Variants in FBXW10 observed in about 807,000 individuals in gnomAD.
FBXW10 encodes F-box/WD repeat-containing protein 10.
In FBXW10, 68 loss-of-function variants were observed where a neutral mutation model predicts 113.1. The observed-to-expected ratio is 0.60, with a 90% CI of 0.49 to 0.74. The LOEUF (loss-of-function observed/expected upper bound fraction) is 0.74. Among genes scored for constraint, FBXW10 ranks in the 30% least tolerant of loss-of-function variants. FBXW10 has a pLI of 0.00. For missense variants in FBXW10, 753 were observed against 1,284.5 expected (o/e 0.59, Z 6.32); for synonymous variants, 289 against 481.6 (o/e 0.60, Z 5.24).
chr17:18,747,780 A>G (rs954461629), intron 1 of FBXW10, among the ~76,000 whole-genome samples, 161 bp from the exon 2 acceptor site: 4 of 151,950 alleles, frequency 2.6e-5, no homozygotes, highest in South Asian at 2.1e-4. Flanking sequence ...AGATTTTTGC[A>G]TAGAAGTTTG....
At chr17:18,760,882 GAT>G (rs1290982006) in intron 7 of FBXW10, among the ~76,000 whole-genome samples, 1 of 151,504 alleles carries the variant, frequency 6.6e-6, no homozygotes, top group Admixed American at 6.6e-5. Flanking sequence ...AGGTCATAGA[GAT>G]ATTTTCTAAT....
chr17:18,750,247 A>C, intron 4 of FBXW10, 110 bp downstream of exon 4: 1 of 984,764 alleles, frequency 1.0e-6, no homozygotes, highest in Non-Finnish European at 1.5e-6. Flanking sequence ...CTCCTCCTCT[A>C]CATTTGTGGC....
At chr17:18,777,186 T>A (rs1282976800) in intron 13 of FBXW10, among the ~76,000 whole-genome samples, 1 of 149,746 alleles carries the variant, frequency 6.7e-6, no homozygotes, top group Non-Finnish European at 1.5e-5. Flanking sequence ...CTCAGCCTCC[T>A]CAGTAGCTAG....
At chr17:18,771,002 T>C (rs1307692024) in intron 11 of FBXW10, among the ~76,000 whole-genome samples, 4 of 152,000 alleles carry the variant, frequency 2.6e-5, no homozygotes, top group African/African-American at 9.7e-5. Context: ...CCCTAAACCA[T>C]ATTGCCTTCC....
chr17:18,773,603 C>A lies in FBXW10; in HGVS notation c.2278+920C>A, dbSNP rs142899455. Among the ~76,000 whole-genome samples the A allele has an allele frequency of 4.5e-3, 691 of 152,256 alleles. 5 individuals carry two copies. The highest frequency in any genetic ancestry group is 0.016 in the African/African-American group (666 of 41,534). On this transcript the variant is annotated intron_variant, in intron 12 of 13. Transcript: ENST00000395665. The stretch of plus-strand genomic sequence containing the variant: ...AGAGTAGCAAGACTCCTTCCTTTTA[C>A]CAGCCCTATATTTGGCATGTGAAAT...
chr17:18,768,855 TCTGA>T (rs1177358838), intron 10 of FBXW10, among the ~76,000 whole-genome samples, 179 bp downstream of exon 10: 3 of 152,040 alleles, frequency 2.0e-5, no homozygotes, highest in Admixed American at 2.0e-4. Flanking sequence ...ATCTTCTCTG[TCTGA>T]CTGTTAACCT....
chr17:18,764,567 T>C (rs1019006617), intron 7 of FBXW10, among the ~76,000 whole-genome samples, 175 bp from the exon 8 acceptor site: 3 of 152,166 alleles, frequency 2.0e-5, no homozygotes, highest in African/African-American at 7.2e-5. Context: ...ATTAACTTCC[T>C]CAAAGTTACA....
rs1394615046 is a variant in FBXW10, at chr17:18,747,933, T to G, written c.506-8T>G. 6.2e-7 allele frequency: 1 copy of G among 1,613,876 alleles called. No individual in the cohort carries two copies. Among genetic ancestry groups the G allele is most frequent in the Admixed American group, 1.7e-5 (1 of 60,008 alleles). On this transcript the variant is annotated splice_region_variant and splice_polypyrimidine_tract_variant and intron_variant, in intron 1 of 13. Transcript: ENST00000395665. ...AGAGCAACCTTGTCTTGGTCTTCTG[T>G]GTTTCAGGGCTCAATCAAGACATCA...
In FBXW10 at chr17:18,772,494, C is replaced by T; in HGVS notation, c.2089C>T (p.Gln697Ter). The part of the protein sequence containing the change: ...KWQYAVEKTK[Q>*]KKNKEKEEEK... ...GCAGTATGCCGTGGAAAAAACGAAA[C>T]AAAAGAAGAATAAGGAGAAAGAGGA... The change falls in exon 12 of 14, where the codon CAA becomes TAA. Residue 697 changes from glutamine (Q) to a stop codon, truncating the protein, a stop_gained. Transcript: ENST00000395665. LOFTEE classifies it high-confidence loss of function. The T allele has an allele frequency of 6.2e-7, 1 of 1,613,734 alleles. No homozygotes were observed.
At chr17:18,776,182 A>G (rs927584943) in intron 13 of FBXW10, among the ~76,000 whole-genome samples, 7 of 152,160 alleles carry the variant, frequency 4.6e-5, no homozygotes, top group Admixed American at 1.3e-4. Context: ...TTAGCTGGGC[A>G]GGGTGGCATG....
chr17:18,744,082 A>C lies in FBXW10; in HGVS notation c.-163A>C. 1 of 1,065,346 alleles carries C rather than the reference A, an allele frequency of 9.4e-7. No homozygotes were observed. The highest frequency in any genetic ancestry group is 2.8e-5 in the Admixed American group (1 of 36,262). 66.0% of individuals were successfully genotyped at this position (1,065,346 alleles called of 1,614,324 possible). On this transcript the variant is annotated 5_prime_UTR_variant, in exon 1 of 14. Transcript: ENST00000395665. ...CTTCTGCTGGCAGTTACTGAGAGAGATAGGCTTTCCATCCATGGCAGCCAT... is the reference window on the plus strand; with the variant it reads ...CTTCTGCTGGCAGTTACTGAGAGAGCTAGGCTTTCCATCCATGGCAGCCAT...
intron 12 of FBXW10, 120 bp from the exon 13 acceptor site, chr17:18,775,016 G>C (rs1341540863): frequency 1.5e-6 from 1 of 648,376 alleles, no homozygotes; most frequent in African/African-American, 1.8e-5. Flanking sequence ...TAAAAAACAA[G>C]ATAGTGATAT....
intron 7 of FBXW10, among the ~76,000 whole-genome samples, chr17:18,764,290 C>T (rs1184130993): frequency 6.6e-6 from 1 of 151,384 alleles, no homozygotes; most frequent in Non-Finnish European, 1.5e-5. Flanking sequence ...CAACCTCTGC[C>T]TGCCGGATTC....
At position 18,778,635 on chromosome 17, in the gene FBXW10, C is replaced by G; in HGVS notation, c.2496C>G (p.Ala832=). ...LQHAHNSGEF[A]YPCRPQTEIT... ...ACGCCCATAATTCCGGGGAATTTGC[C>G]TATCCCTGTAGGCCCCAAACAGAAA... is the stretch of plus-strand genomic sequence containing the variant. The change falls in exon 14 of 14, where the codon GCC becomes GCG. Residue 832 remains alanine, a synonymous_variant. Coordinates refer to ENST00000395665, the MANE Select transcript of FBXW10 (RefSeq NM_001267585.2). 1.2e-6 allele frequency: 2 copies of G among 1,613,894 alleles called. No individual in the cohort carries two copies. The highest frequency in any genetic ancestry group is 1.7e-6 in the Non-Finnish European group (2 of 1,179,864).
At chr17:18,757,620 C>T (rs1282709341) in intron 6 of FBXW10, among the ~76,000 whole-genome samples, 1 of 152,198 alleles carries the variant, frequency 6.6e-6, no homozygotes, top group Non-Finnish European at 1.5e-5. Flanking sequence ...GTACTCCAGC[C>T]TGGGTGACAG....
intron 5 of FBXW10, among the ~76,000 whole-genome samples, chr17:18,753,965 C>G (rs1052860264): frequency 1.2e-4 from 18 of 151,994 alleles, no homozygotes; most frequent in African/African-American, 4.3e-4. Flanking sequence ...CAAGACTAAG[C>G]AGTTACAGAG....
Position 18,758,525 on chromosome 17 carries a change from C to T in FBXW10, c.1433+20C>T. The T allele has an allele frequency of 1.2e-6, 2 of 1,613,374 alleles. No homozygotes were observed. The highest frequency in any genetic ancestry group is 1.7e-6 in the Non-Finnish European group (2 of 1,179,728). The stretch of plus-strand genomic sequence containing the variant: ...TATCAGGTGAGGAGTCCAAAGGCAT[C>T]ATGATCCCTGTCCCACCTAGGGCCT... On this transcript the variant is annotated intron_variant, in intron 7 of 13. Transcript: ENST00000395665.
At position 18,750,052 on chromosome 17, in the gene FBXW10, G is replaced by A. The variant is rs926267527; in HGVS notation, c.914G>A (p.Ser305Asn). 1.2e-6 allele frequency: 2 copies of A among 1,613,780 alleles called. No individual in the cohort carries two copies. The highest frequency in any genetic ancestry group is 2.7e-5 in the African/African-American group (2 of 74,934). ...ACCCTGAACAAGTGCGCCTCTGTGAGCCAGCACTGGGCCGCCATGGCTCAA... is the reference window on the plus strand; with the variant it reads ...ACCCTGAACAAGTGCGCCTCTGTGAACCAGCACTGGGCCGCCATGGCTCAA... ...RHTLNKCASV[S>N]QHWAAMAQQV... Residue 305 changes from serine (S) to asparagine (N), a missense_variant, in exon 4 of 14, where the codon AGC (serine) becomes AAC (asparagine). Ser to Asn is a conservative substitution (Grantham distance 46). Transcript: ENST00000395665.
At chr17:18,752,061 C>T (rs937288580) in intron 5 of FBXW10, among the ~76,000 whole-genome samples, 6 of 152,166 alleles carry the variant, frequency 3.9e-5, no homozygotes, top group Admixed American at 3.9e-4. Context: ...GTTTGACTGT[C>T]GCTTCCCATA....
Sources: gnomAD v4.1 joint callset for allele counts (sites outside exome capture counted in the v4.1 genomes callset) on GRCh38, gnomAD v4.1.1 for gene constraint, MANE v1.5 for transcripts, NCBI Gene and HGNC (gene_info 2026-07-23, HGNC 2026-07-21) for gene names.